Variants in PCDHA10 observed in about 807,000 individuals in gnomAD.
The protein encoded by PCDHA10 is protocadherin alpha 10.
In PCDHA10, 45 loss-of-function variants were observed where a neutral mutation model predicts 61.2. That is an observed-to-expected ratio of 0.74 (90% CI 0.58 to 0.94). The LOEUF is 0.94. Among genes scored for constraint, PCDHA10 ranks in the 40% least tolerant of loss-of-function variants. PCDHA10 has a pLI of 0.00. For synonymous variants in PCDHA10, 602 were observed against 548.8 expected (o/e 1.10, Z -1.35); for missense variants, 1,278 against 1,236.2 (o/e 1.03, Z -0.51).
intron 1 of PCDHA10, among the ~76,000 whole-genome samples, chr5:140,930,604 G>C (rs2086982661): frequency 6.6e-6 from 1 of 152,108 alleles, no homozygotes; most frequent in South Asian, 2.1e-4. Flanking sequence ...AGAAATCCTA[G>C]ATGCAAGAGA....
intron 1 of PCDHA10, chr5:140,867,695 C>T (rs1283173997): frequency 6.6e-6 from 1 of 151,790 alleles, no homozygotes; most frequent in African/African-American, 2.4e-5. Context: ...TCTTTTTTTC[C>T]TCCTAAATCC....
At chr5:140,858,877 T>C (rs1192816588) in intron 1 of PCDHA10, 1 of 245,498 alleles carries the variant, frequency 4.1e-6, no homozygotes, top group Non-Finnish European at 7.9e-6. Context: ...TGTGTTTTCC[T>C]CCATGTGTAG....
At chr5:140,995,629 T>C (rs1333793289) in intron 3 of PCDHA10, among the ~76,000 whole-genome samples, 1 of 152,164 alleles carries the variant, frequency 6.6e-6, no homozygotes, top group Admixed American at 6.5e-5. Context: ...TTGGAAACTT[T>C]GGAGTGTTTA....
chr5:140,869,247 C>T (rs1186478553), intron 1 of PCDHA10: 8 of 1,613,526 alleles, frequency 5.0e-6, no homozygotes, highest in Middle Eastern at 1.7e-4. Flanking sequence ...TGGGCCGCAT[C>T]GCGCAGGACC....
At chr5:140,982,823 G>A (rs1187029355) in intron 3 of PCDHA10, among the ~76,000 whole-genome samples, 2 of 151,450 alleles carry the variant, frequency 1.3e-5, no homozygotes, top group South Asian at 2.1e-4. Context: ...GAAGTTTTTG[G>A]GGTTTGTTTG....
intron 1 of PCDHA10, among the ~76,000 whole-genome samples, chr5:140,921,828 A>C (rs1209455799): frequency 6.6e-6 from 1 of 152,126 alleles, no homozygotes; most frequent in Non-Finnish European, 1.5e-5. Flanking sequence ...ATATCTATAC[A>C]CATATAGACA....
intron 1 of PCDHA10, among the ~76,000 whole-genome samples, chr5:140,937,894 A>G (rs1554211868): frequency 6.6e-6 from 1 of 150,462 alleles, no homozygotes; most frequent in Non-Finnish European, 1.5e-5. Context: ...CCTGGGCGAC[A>G]GAGTGAGACT....
chr5:140,887,197 C>T (rs1348316837), intron 1 of PCDHA10, among the ~76,000 whole-genome samples: 1 of 151,678 alleles, frequency 6.6e-6, no homozygotes, highest in Non-Finnish European at 1.5e-5. Flanking sequence ...CCCGGGTTCA[C>T]GCCATTCTCC....
chr5:140,869,963 A>G lies in PCDHA10; in HGVS notation c.2388+11527A>G, dbSNP rs782588471. 11 of 1,613,128 alleles carry G rather than the reference A, an allele frequency of 6.8e-6. No homozygotes were observed. Among genetic ancestry groups the G allele is most frequent in the East Asian group, 2.2e-5 (1 of 44,874 alleles). On this transcript the variant is annotated intron_variant, in intron 1 of 3. Coordinates refer to ENST00000307360, the MANE Select transcript of PCDHA10 (RefSeq NM_018901.4). ...TACTCCTTAATGTCAATTAAGCCCA[A>G]TGGAAGACACTTATTTACACTAGAT...
rs1052880282 is a variant in PCDHA10 at position 140,969,588 on chromosome 5, T to C, written c.2389-9361T>C. On this transcript the variant is annotated intron_variant, in intron 1 of 3. Coordinates refer to ENST00000307360, the MANE Select transcript of PCDHA10 (RefSeq NM_018901.4). ...TTGTTTGAGAAGTGAGGATTAGTCT[T>C]AATATTTAATGCTAAAACACAGATT... 31 of 849,754 alleles carry C rather than the reference T, an allele frequency of 3.6e-5. No individual in the cohort carries two copies. The African/African-American group carries it at 5.3e-4, about 15-fold the overall frequency. The allele number at this position is 849,754 out of a possible 1,614,324, so 52.6% of individuals were successfully genotyped here. A position where few individuals can be genotyped will look rare whatever the true frequency, so the allele number is the denominator to read the frequency against.
chr5:140,959,038 A>ATG (rs1387162159), intron 1 of PCDHA10, among the ~76,000 whole-genome samples: 2 of 151,994 alleles, frequency 1.3e-5, no homozygotes, highest in Non-Finnish European at 2.9e-5. Flanking sequence ...ATGGGTATGT[A>ATG]TGTATAGGAA....
At chr5:140,977,599 AC>A (rs782213571) in intron 1 of PCDHA10, among the ~76,000 whole-genome samples, 1 of 152,150 alleles carries the variant, frequency 6.6e-6, no homozygotes, top group Non-Finnish European at 1.5e-5. Context: ...GCATGTGAGG[AC>A]CATTGAGGTA....
At chr5:140,910,850 A>G (rs1285161954) in intron 1 of PCDHA10, among the ~76,000 whole-genome samples, 1 of 152,168 alleles carries the variant, frequency 6.6e-6, no homozygotes, top group Non-Finnish European at 1.5e-5. Flanking sequence ...CCTTGGATCT[A>G]TGTTCCATCC....
intron 1 of PCDHA10, chr5:140,876,833 C>A: frequency 1.2e-6 from 2 of 1,614,176 alleles, no homozygotes; most frequent in Admixed American, 1.7e-5. Flanking sequence ...AATGCGCCTG[C>A]GTTCGCGCAG....
At chr5:140,879,653 AACAAACGAAC>A (rs1168940497) in intron 1 of PCDHA10, among the ~76,000 whole-genome samples, 1 of 152,232 alleles carries the variant, frequency 6.6e-6, no homozygotes, top group African/African-American at 2.4e-5. Flanking sequence ...TGGCTGCTAT[AACAAACGAAC>A]ACAAACTGGG....
chr5:140,874,545 A>G (rs1362898895), intron 1 of PCDHA10, among the ~76,000 whole-genome samples: 1 of 152,240 alleles, frequency 6.6e-6, no homozygotes, highest in Non-Finnish European at 1.5e-5. Context: ...AAAACCCTTT[A>G]AGAGATCTTT....
At chr5:140,971,376 C>CT (rs1334633165) in intron 1 of PCDHA10, among the ~76,000 whole-genome samples, 1 of 152,164 alleles carries the variant, frequency 6.6e-6, no homozygotes, top group Non-Finnish European at 1.5e-5. Context: ...GAGTGCATGA[C>CT]TTTAATAAAG....
chr5:140,933,937 T>A (rs1369497002), intron 1 of PCDHA10, among the ~76,000 whole-genome samples: 1 of 152,082 alleles, frequency 6.6e-6, no homozygotes. Context: ...GTGACTTTTT[T>A]TCACATCTGC....
At chr5:140,979,973 A>G (rs782560392) in intron 2 of PCDHA10, among the ~76,000 whole-genome samples, 9 of 152,230 alleles carry the variant, frequency 5.9e-5, no homozygotes, top group Non-Finnish European at 1.0e-4. Context: ...ATTAAAATGC[A>G]TTAGATTGAA....
Sources: allele counts gnomAD v4.1 joint callset (sites outside exome capture counted in the v4.1 genomes callset), GRCh38; gene constraint gnomAD v4.1.1; transcripts MANE v1.5; gene names NCBI Gene and HGNC (gene_info 2026-07-23, HGNC 2026-07-21).